CHRNA4: variants seen among roughly 807,000 people sequenced by gnomAD.
CHRNA4 encodes neuronal acetylcholine receptor subunit alpha-4.
In CHRNA4, 28 loss-of-function variants were observed where a neutral mutation model predicts 48.9. The observed-to-expected ratio is 0.57, with a 90% confidence interval of 0.42 to 0.79. The LOEUF (loss-of-function observed/expected upper bound fraction) is 0.79, where lower values mean the gene tolerates loss of function less well. Among genes scored for constraint, CHRNA4 ranks in the 30% least tolerant of loss-of-function variants. The pLI, the probability that CHRNA4 is intolerant of heterozygous loss-of-function variation, is 0.00. For missense variants in CHRNA4, 859 were observed against 898.4 expected, an observed-to-expected ratio of 0.96 and a Z score of 0.56; for synonymous variants, 425 against 402.3, an observed-to-expected ratio of 1.06 and a Z score of -0.68.
chr20:63,344,381 T>A lies in CHRNA4; in HGVS notation c.*2357A>T, dbSNP rs200852579. On this transcript the variant is annotated 3_prime_UTR_variant, in exon 6 of 6. Coordinates refer to ENST00000370263, the MANE Select transcript of CHRNA4 (RefSeq NM_000744.7). The surrounding 1 kb of genome is among the most constrained non-coding windows in gnomAD (Gnocchi z 4.5). ...GAGCATGCATCTCACCATATGTAAA[T>A]TTTACCTTAATTAATAAAAACAGCA... 4 of 453,730 alleles carry A rather than the reference T, an allele frequency of 8.8e-6. No individual in the cohort carries two copies. The highest frequency in any genetic ancestry group is 6.0e-5 in the African/African-American group (3 of 49,894). The allele number at this position is 453,730 out of a possible 1,614,324, so 28.1% of individuals were successfully genotyped here. A position where few individuals can be genotyped will look rare whatever the true frequency, so the allele number is the denominator to read the frequency against.
At position 63,346,467 on chromosome 20, in the gene CHRNA4, C is replaced by T; in HGVS notation, c.*271G>A. On this transcript the variant is annotated 3_prime_UTR_variant, in exon 6 of 6. Coordinates refer to ENST00000370263, the MANE Select transcript of CHRNA4 (RefSeq NM_000744.7). ...CTCTTGAACTGGACTTAGCCCGAGT[C>T]CTGCAGGTAGAAGGCGCCGACCCCC... The T allele has an allele frequency of 1.6e-6, 1 of 630,746 alleles. No homozygotes were observed. The highest frequency in any genetic ancestry group is 3.2e-5 in the East Asian group (1 of 31,210). The allele number at this position is 630,746 out of a possible 1,614,324, so 39.1% of individuals were successfully genotyped here.
chr20:63,354,271 A>G (rs34433138), intron 4 of CHRNA4, among the ~76,000 whole-genome samples: 53,286 of 60,378 alleles, frequency 0.88, 23,155 homozygotes, highest in East Asian at 0.98. Context: ...GGGGGGCTGT[A>G]GTCCTGGGGG....
chr20:63,346,814 A>G lies in CHRNA4; in HGVS notation c.1808T>C (p.Leu603Pro). 1 of 1,612,732 alleles carries G rather than the reference A, an allele frequency of 6.2e-7. No homozygotes were observed. The highest frequency in any genetic ancestry group is 1.1e-5 in the South Asian group (1 of 91,072). ...YVAMVIDRIF[L>P]WMFIIVCLLG... Reference sequence around the variant, plus strand: ...CAGGCAGACGATGATGAACATCCAGAGGAAGATGCGGTCGATGACCATGGC... The same window carrying G: ...CAGGCAGACGATGATGAACATCCAGGGGAAGATGCGGTCGATGACCATGGC... The change falls in exon 6 of 6, where the codon CTC (leucine) becomes CCC (proline). Residue 603 changes from leucine to proline, a missense_variant. Around this residue, in one of 3 missense-constraint regions of CHRNA4, gnomAD observed 478 missense variants for 455.4 expected, o/e 1.05. Transcript: ENST00000370263.
Position 63,350,731 on chromosome 20 carries a change from G to C in CHRNA4, c.680C>G (p.Ala227Gly). 1 of 1,586,772 alleles carries C rather than the reference G, an allele frequency of 6.3e-7. No homozygotes were observed. Among genetic ancestry groups the C allele is most frequent in the Non-Finnish European group, 8.6e-7 (1 of 1,166,170 alleles). ...TYNTRKYECC[A>G]EIYPDITYAF... is the part of the protein sequence containing the mutation. ...ATAGGTGATGTCCGGGTAGATCTCG[G>C]CACAGCACTCGTACTTCCTGGTGTT... Residue 227 changes from alanine to glycine, a missense_variant, in exon 5 of 6, where the codon GCC becomes GGC. Physicochemically the swap from Ala to Gly is moderately conservative, Grantham distance 60. Around this residue, in one of 3 missense-constraint regions of CHRNA4, gnomAD observed 342 missense variants for 365.3 expected, o/e 0.94. Transcript: ENST00000370263.
chr20:63,345,686 TC>T lies in CHRNA4; in HGVS notation c.*1051del, dbSNP rs746094859. 1 of 453,840 alleles carries T rather than the reference TC, an allele frequency of 2.2e-6. No homozygotes were observed. Among genetic ancestry groups the T allele is most frequent in the South Asian group, 1.6e-5 (1 of 64,468 alleles). The allele number at this position is 453,840 out of a possible 1,614,324, so 28.1% of individuals were successfully genotyped here. A position where few individuals can be genotyped will look rare whatever the true frequency, so the allele number is the denominator to read the frequency against. The stretch of plus-strand genomic sequence containing the variant: ...TTCCTGCCCCGAGGGTCCCAGCATC[TC>T]CCAGGTGGAGGTCCTCAAGGATGCC... On this transcript the variant is annotated 3_prime_UTR_variant, in exon 6 of 6. Transcript: ENST00000370263. This position sits in a 1 kb window ranked among gnomAD's most constrained non-coding sequence, Gnocchi z 5.4.
intron 5 of CHRNA4, among the ~76,000 whole-genome samples, chr20:63,348,108 C>T (rs546605706): frequency 1.4e-3 from 219 of 152,348 alleles, no homozygotes; most frequent in Middle Eastern, 3.4e-3. Flanking sequence ...CCTTTGTCCC[C>T]GAGGTGGCTG....
chr20:63,348,887 C>T (rs2068537508), intron 5 of CHRNA4, among the ~76,000 whole-genome samples: 1 of 152,212 alleles, frequency 6.6e-6, no homozygotes, highest in South Asian at 2.1e-4. Flanking sequence ...GCCCCAGCCT[C>T]TCCTGCATGG....
intron 4 of CHRNA4, among the ~76,000 whole-genome samples, chr20:63,352,906 C>G (rs2068637758): frequency 1.3e-5 from 2 of 152,200 alleles, no homozygotes; most frequent in African/African-American, 4.8e-5. Flanking sequence ...TGGCTCCAGC[C>G]GCCCTCTGGG....
intron 2 of CHRNA4, among the ~76,000 whole-genome samples, chr20:63,359,002 G>A (rs567656292): frequency 2.0e-4 from 31 of 151,996 alleles, no homozygotes; most frequent in Non-Finnish European, 4.4e-4. Context: ...GGCTGGACCA[G>A]TAGGCTTCCT....
chr20:63,358,564 A>G (rs2068753402), intron 2 of CHRNA4, among the ~76,000 whole-genome samples: 1 of 152,222 alleles, frequency 6.6e-6, no homozygotes, highest in African/African-American at 2.4e-5. Context: ...GGGATTTGGC[A>G]GCAGGGCTGG....
Position 63,353,061 on chromosome 20 carries a change from A to C in CHRNA4, c.384-2034T>G, listed in dbSNP as rs370907921. Among the ~76,000 whole-genome samples, 56 of 152,346 alleles carry C rather than the reference A, an allele frequency of 3.7e-4. 1 individual carries two copies. The South Asian group carries it at 9.3e-3, about 25-fold the overall frequency. ...GGTCCAGGTTCCTGCTCCAGGGCCC[A>C]CAGGCTGGCGTGAGACCCTCTGTCC... On this transcript the variant is annotated intron_variant, in intron 4 of 5. Coordinates refer to ENST00000370263, the MANE Select transcript of CHRNA4 (RefSeq NM_000744.7).
intron 4 of CHRNA4, among the ~76,000 whole-genome samples, chr20:63,354,039 G>C (rs1417188350): frequency 1.4e-5 from 2 of 138,370 alleles, no homozygotes; most frequent in African/African-American, 5.4e-5. Context: ...TGTAGTCCTA[G>C]GGGGCTGTGG....
rs796052315 is a variant in CHRNA4 at position 63,361,078 on chromosome 20, C to G, written c.76+12G>C. ...GGGCGAAAGGGGGCCCATCCCGCGC[C>G]CCGTAACTTACCGCGCAGGAGGCCG... On this transcript the variant is annotated intron_variant, in intron 1 of 5. Coordinates refer to ENST00000370263, the MANE Select transcript of CHRNA4 (RefSeq NM_000744.7). 12 of 1,457,060 alleles carry G rather than the reference C, an allele frequency of 8.2e-6. No individual in the cohort carries two copies. The highest frequency in any genetic ancestry group is 2.5e-5 in the Admixed American group (1 of 40,162). 90.3% of individuals were successfully genotyped at this position (1,457,060 alleles called of 1,614,324 possible). A position where few individuals can be genotyped will look rare whatever the true frequency, so the allele number is the denominator to read the frequency against.
intron 1 of CHRNA4, chr20:63,360,201 GC>G (rs375831917): frequency 7.5e-4 from 136 of 180,476 alleles, no homozygotes; most frequent in African/African-American, 3.1e-3. Flanking sequence ...GTACAGGGCA[GC>G]GGGGCCAGCC....
chr20:63,344,413 GC>G lies in CHRNA4; in HGVS notation c.*2324del. 2.2e-6 allele frequency: 1 copy of G among 453,584 alleles called. No individual in the cohort carries two copies. The highest frequency in any genetic ancestry group is 4.4e-6 in the Non-Finnish European group (1 of 226,734). 28.1% of individuals were successfully genotyped at this position (453,584 alleles called of 1,614,324 possible). A position where few individuals can be genotyped will look rare whatever the true frequency, so the allele number is the denominator to read the frequency against. On this transcript the variant is annotated 3_prime_UTR_variant, in exon 6 of 6. Coordinates refer to ENST00000370263, the MANE Select transcript of CHRNA4 (RefSeq NM_000744.7). This position sits in a 1 kb window ranked among gnomAD's most constrained non-coding sequence, Gnocchi z 4.5. The stretch of plus-strand genomic sequence containing the variant: ...TTAATTAATAAAAACAGCACTGGAC[GC>G]AAATACGCCAACATTGTTGTCAAGG...
In CHRNA4 at chr20:63,346,581, C is replaced by T; in HGVS notation, c.*157G>A. ...TCTCCCCAGAGGCCGTGTCCCCGTC[C>T]AAGGCCGTCTTACAGCAGACACAGA... On this transcript the variant is annotated 3_prime_UTR_variant, in exon 6 of 6. Coordinates refer to ENST00000370263, the MANE Select transcript of CHRNA4 (RefSeq NM_000744.7). 1 of 1,089,908 alleles carries T rather than the reference C, an allele frequency of 9.2e-7. No homozygotes were observed. Among genetic ancestry groups the T allele is most frequent in the Non-Finnish European group, 1.3e-6 (1 of 742,738 alleles). The allele number at this position is 1,089,908 out of a possible 1,614,324, so 67.5% of individuals were successfully genotyped here.
intron 5 of CHRNA4, among the ~76,000 whole-genome samples, chr20:63,347,975 G>C (rs963471114): frequency 1.3e-5 from 2 of 152,226 alleles, no homozygotes; most frequent in Non-Finnish European, 2.9e-5. Context: ...CCCAGGCCTC[G>C]GCTCTGGGGG....
rs768747198 is a variant in CHRNA4, at chr20:63,344,572, G to C, written c.*2166C>G. On this transcript the variant is annotated 3_prime_UTR_variant, in exon 6 of 6. Coordinates refer to ENST00000370263, the MANE Select transcript of CHRNA4 (RefSeq NM_000744.7). This position sits in a 1 kb window ranked among gnomAD's most constrained non-coding sequence, Gnocchi z 4.5. ...GGCAGGAGGGTCCCCCGGCAGGAGC[G>C]TCCCAGCCACTCCGCAGTCACTCCT... 2.2e-6 allele frequency: 1 copy of C among 453,202 alleles called. No homozygotes were observed. Among genetic ancestry groups the C allele is most frequent in the Non-Finnish European group, 4.4e-6 (1 of 226,556 alleles). The allele number at this position is 453,202 out of a possible 1,614,324, so 28.1% of individuals were successfully genotyped here. A position where few individuals can be genotyped will look rare whatever the true frequency, so the allele number is the denominator to read the frequency against.
Position 63,350,109 on chromosome 20 carries a change from G to A in CHRNA4, c.1302C>T (p.Pro434=). The A allele has an allele frequency of 6.5e-7, 1 of 1,542,176 alleles. No individual in the cohort carries two copies. The highest frequency in any genetic ancestry group is 8.8e-7 in the Non-Finnish European group (1 of 1,141,678). The change falls in exon 5 of 6, where the codon CCC becomes CCT. Residue 434 remains proline, a synonymous_variant. Coordinates refer to ENST00000370263, the MANE Select transcript of CHRNA4 (RefSeq NM_000744.7). ...GGGGGCTGGCTTTCTCAGCTTCCAG[G>A]GGCTGCTGAGGAGGGAGCTGGTCGG... The part of the protein sequence containing the change: ...SPSDQLPPQQ[P]LEAEKASPHP...
Sources: allele counts gnomAD v4.1 joint callset (sites outside exome capture counted in the v4.1 genomes callset), GRCh38; gene constraint gnomAD v4.1.1; regional missense constraint gnomAD v4.1.1; non-coding constraint Gnocchi (gnomAD v3.1); transcripts MANE v1.5; gene names NCBI Gene and HGNC (gene_info 2026-07-23, HGNC 2026-07-21).